The following FAM135B variants were observed in gnomAD, a reference collection of about 807,000 sequenced individuals.
FAM135B encodes protein FAM135B.
In FAM135B, 43 loss-of-function variants were observed where a neutral mutation model predicts 127.7. The observed-to-expected ratio is 0.34, with a 90% confidence interval of 0.26 to 0.43. The LOEUF (loss-of-function observed/expected upper bound fraction) is 0.43, where lower values mean the gene tolerates loss of function less well. FAM135B is among the 20% of genes least tolerant of loss of function. The probability of loss-of-function intolerance (pLI) is 1.00; values close to 1 mark genes in which losing one functional copy is unlikely to be tolerated. For missense variants in FAM135B, 1,558 were observed against 1,725.6 expected, an observed-to-expected ratio of 0.90 and a Z score of 1.72; for synonymous variants, 670 against 665.1, an observed-to-expected ratio of 1.01 and a Z score of -0.11.
chr8:138,456,523 T>C (rs1836786841), intron 1 of FAM135B, among the ~76,000 whole-genome samples: 1 of 152,146 alleles, frequency 6.6e-6, no homozygotes, highest in African/African-American at 2.4e-5. Flanking sequence ...GAAGGCATTA[T>C]CTAATGCTTC....
chr8:138,220,804 A>G (rs1818972301), intron 7 of FAM135B, among the ~76,000 whole-genome samples: 1 of 152,234 alleles, frequency 6.6e-6, no homozygotes, highest in Admixed American at 6.5e-5. Context: ...TAGAACAACA[A>G]CTAACTGCAC....
chr8:138,252,947 G>T (rs1821807021), intron 5 of FAM135B, among the ~76,000 whole-genome samples: 1 of 152,038 alleles, frequency 6.6e-6, no homozygotes, highest in African/African-American at 2.4e-5. Context: ...TTACAAGTGT[G>T]CACCACCACG....
At chr8:138,178,458 G>A (rs996462848) in intron 10 of FAM135B, 77 bp downstream of exon 10, 7 of 1,542,694 alleles carry the variant, frequency 4.5e-6, no homozygotes, top group East Asian at 2.3e-5. Flanking sequence ...CCTAATGCTT[G>A]ATCTAATTCT....
intron 2 of FAM135B, among the ~76,000 whole-genome samples, chr8:138,356,882 C>A (rs1830125181): frequency 6.6e-6 from 1 of 152,108 alleles, no homozygotes; most frequent in South Asian, 2.1e-4. Flanking sequence ...CATGAAGTTT[C>A]TTAATCTATG....
chr8:138,401,485 C>T (rs971974054), intron 1 of FAM135B, among the ~76,000 whole-genome samples: 5 of 152,192 alleles, frequency 3.3e-5, no homozygotes, highest in Non-Finnish European at 1.5e-5. Flanking sequence ...GCACTCACGT[C>T]GCCTTTCTTT....
At chr8:138,157,743 A>C (rs1035774096) in intron 12 of FAM135B, among the ~76,000 whole-genome samples, 3 of 152,212 alleles carry the variant, frequency 2.0e-5, no homozygotes, top group African/African-American at 7.2e-5. Context: ...CTTACAAGGG[A>C]CATGTAGGAT....
In FAM135B at chr8:138,151,885, C is replaced by T. The variant is rs2130746980; in HGVS notation, c.2590G>A (p.Asp864Asn). 6.2e-7 allele frequency: 1 copy of T among 1,614,002 alleles called. No individual in the cohort carries two copies. Among genetic ancestry groups the T allele is most frequent in the South Asian group, 1.1e-5 (1 of 91,084 alleles). Reference protein sequence around the residue: ...QFDAQGHCLPDGRTENTPGVE... With the variant: ...QFDAQGHCLPNGRTENTPGVE... ...CCTGGAGTGTTCTCAGTCCTGCCATCAGGAAGACAGTGTCCTTGAGCATCA... is the reference window on the plus strand; with the variant it reads ...CCTGGAGTGTTCTCAGTCCTGCCATTAGGAAGACAGTGTCCTTGAGCATCA... Residue 864 changes from aspartate to asparagine, a missense_variant, in exon 13 of 20, where the codon GAT (aspartate) becomes AAT (asparagine). Around this residue, in one of 5 missense-constraint regions of FAM135B, gnomAD observed 923 missense variants for 865.3 expected, o/e 1.07. Coordinates refer to ENST00000395297, the MANE Select transcript of FAM135B (RefSeq NM_015912.4).
intron 8 of FAM135B, among the ~76,000 whole-genome samples, chr8:138,195,586 C>T (rs543953436): frequency 1.3e-5 from 2 of 152,166 alleles, no homozygotes; most frequent in Admixed American, 1.3e-4. Flanking sequence ...TCATACAGCA[C>T]TTTGTGTGGC....
At chr8:138,379,618 T>G (rs554990822) in intron 1 of FAM135B, among the ~76,000 whole-genome samples, 1 of 151,944 alleles carries the variant, frequency 6.6e-6, no homozygotes, top group Non-Finnish European at 1.5e-5. Flanking sequence ...GACTCCAAGC[T>G]TGGGGGAAGC....
At chr8:138,279,939 C>T (rs1824131767) in intron 3 of FAM135B, among the ~76,000 whole-genome samples, 1 of 152,166 alleles carries the variant, frequency 6.6e-6, no homozygotes. Flanking sequence ...ACTTGCTTAT[C>T]CCCAAAAGAA....
At chr8:138,171,328 T>G (rs534986360) in intron 11 of FAM135B, among the ~76,000 whole-genome samples, 6 of 152,050 alleles carry the variant, frequency 3.9e-5, no homozygotes, top group African/African-American at 1.4e-4. Context: ...CTCCCCTCCA[T>G]GGCAAAGATC....
In FAM135B at chr8:138,241,108, G is replaced by A. The variant is rs1820731919; in HGVS notation, c.669+1834C>T. Among the ~76,000 whole-genome samples the A allele has an allele frequency of 2.0e-5, 3 of 152,198 alleles. No homozygotes were observed. The highest frequency in any genetic ancestry group is 2.0e-4 in the Admixed American group (3 of 15,290). On this transcript the variant is annotated intron_variant, in intron 7 of 19. Coordinates refer to ENST00000395297, the MANE Select transcript of FAM135B (RefSeq NM_015912.4). The surrounding 1 kb of genome is among the most constrained non-coding windows in gnomAD (Gnocchi z 4.8). Reference sequence around the variant, plus strand: ...ACATAGGGAGAAGCTGAACTGTGATGTAGTCACAGCAAAGGCTTCGGCCGA... The same window carrying A: ...ACATAGGGAGAAGCTGAACTGTGATATAGTCACAGCAAAGGCTTCGGCCGA...
chr8:138,191,343 T>C (rs1816106718), intron 9 of FAM135B, among the ~76,000 whole-genome samples: 1 of 152,222 alleles, frequency 6.6e-6, no homozygotes, highest in Non-Finnish European at 1.5e-5. Context: ...TACCACACAC[T>C]GGTCCATTGG....
chr8:138,385,414 C>G (rs914339605), intron 1 of FAM135B, among the ~76,000 whole-genome samples: 10 of 152,190 alleles, frequency 6.6e-5, no homozygotes, highest in Non-Finnish European at 4.4e-5. Context: ...AACCCCCACA[C>G]AGCACTCCAT....
In FAM135B at chr8:138,367,892, G is replaced by A. The variant is rs374962366; in HGVS notation, c.77+15C>T. The A allele has an allele frequency of 1.7e-4, 271 of 1,554,390 alleles. No individual in the cohort carries two copies. The African/African-American group carries it at 3.1e-3, about 18-fold the overall frequency. On this transcript the variant is annotated intron_variant, in intron 2 of 19. Coordinates refer to ENST00000395297, the MANE Select transcript of FAM135B (RefSeq NM_015912.4). Reference sequence around the variant, plus strand: ...ACACACACACACACACACACAAATTGTAAAGCATACTTACCCTCTCTGAAA... The same window carrying A: ...ACACACACACACACACACACAAATTATAAAGCATACTTACCCTCTCTGAAA...
At chr8:138,163,624 C>T (rs1272394235) in intron 12 of FAM135B, among the ~76,000 whole-genome samples, 1 of 152,140 alleles carries the variant, frequency 6.6e-6, no homozygotes, top group African/African-American at 2.4e-5. Flanking sequence ...TTGCCTGCTG[C>T]CATGTAAGAC....
intron 1 of FAM135B, among the ~76,000 whole-genome samples, chr8:138,461,726 G>C (rs1837130759): frequency 6.6e-6 from 1 of 152,076 alleles, no homozygotes; most frequent in South Asian, 2.1e-4. Flanking sequence ...ATCATCCTAG[G>C]ACCTCACAGA....
chr8:138,151,000 A>G (rs910282360), intron 13 of FAM135B, among the ~76,000 whole-genome samples, 194 bp downstream of exon 13: 2 of 152,086 alleles, frequency 1.3e-5, no homozygotes, highest in Non-Finnish European at 2.9e-5. Flanking sequence ...ACTTCCTTTC[A>G]GTATTCTGCA....
intron 5 of FAM135B, among the ~76,000 whole-genome samples, chr8:138,251,404 G>T (rs756934009): frequency 6.6e-6 from 1 of 152,054 alleles, no homozygotes; most frequent in Non-Finnish European, 1.5e-5. Flanking sequence ...TCCTCATAAC[G>T]CTGCACTGAC....
Sources: gnomAD v4.1 joint callset for allele counts (sites outside exome capture counted in the v4.1 genomes callset) on GRCh38, gnomAD v4.1.1 for gene constraint, gnomAD v4.1.1 regional missense constraint, Gnocchi (gnomAD v3.1) non-coding constraint, MANE v1.5 for transcripts, NCBI Gene and HGNC (gene_info 2026-07-23, HGNC 2026-07-21) for gene names.